Variants in SYNPR observed in about 807,000 individuals in gnomAD.
SYNPR encodes synaptoporin.
Under a neutral mutation model 32.9 loss-of-function variants are expected in SYNPR, and 23 were observed. The observed-to-expected ratio is 0.70, with a 90% CI of 0.50 to 0.99. SYNPR has a LOEUF of 0.99. Ranked by LOEUF, SYNPR falls within the 50% of genes least tolerant of loss-of-function variation. The pLI is 0.00. For synonymous variants in SYNPR, 146 were observed against 135.9 expected (o/e 1.07, Z -0.52); for missense variants, 318 against 349.3 (o/e 0.91, Z 0.71).
chr3:63,578,829 G>C (rs1167407801), intron 4 of SYNPR, among the ~76,000 whole-genome samples: 3 of 152,124 alleles, frequency 2.0e-5, no homozygotes, highest in Non-Finnish European at 4.4e-5. Context: ...CAGCAAGGCA[G>C]ATACACCCAG....
At chr3:63,607,824 G>A (rs865928040) in intron 4 of SYNPR, among the ~76,000 whole-genome samples, 4 of 152,256 alleles carry the variant, frequency 2.6e-5, no homozygotes, top group African/African-American at 9.6e-5. Context: ...TCTATAGAGT[G>A]TAAAAGTTCC....
At chr3:63,296,757 C>A (rs1188238780) in intron 2 of SYNPR, among the ~76,000 whole-genome samples, 1 of 152,092 alleles carries the variant, frequency 6.6e-6, no homozygotes, top group East Asian at 1.9e-4. Flanking sequence ...ATAATTAATT[C>A]TACTCTTTAA....
At chr3:63,387,706 A>C (rs2088070954) in intron 2 of SYNPR, among the ~76,000 whole-genome samples, 1 of 152,196 alleles carries the variant, frequency 6.6e-6, no homozygotes, top group Non-Finnish European at 1.5e-5. Flanking sequence ...TTCTAGGCCA[A>C]AAGAATAAGT....
At chr3:63,279,423 C>T (rs370993604) in intron 2 of SYNPR, among the ~76,000 whole-genome samples, 2 of 152,278 alleles carry the variant, frequency 1.3e-5, no homozygotes, top group African/African-American at 4.8e-5. Context: ...CTTTCTTCAG[C>T]GACTGGGCTT....
chr3:63,268,626 G>A (rs1488753606), intron 3 of SYNPR, among the ~76,000 whole-genome samples: 1 of 152,138 alleles, frequency 6.6e-6, no homozygotes, highest in Admixed American at 6.5e-5. Context: ...TCATCATAAA[G>A]GTTTTCATCC....
rs566978566 is a variant in SYNPR, at chr3:63,371,390, G to A, written c.84+92648G>A. Among the ~76,000 whole-genome samples the A allele has an allele frequency of 2.6e-5, 4 of 152,306 alleles. No individual in the cohort carries two copies. The East Asian group carries it at 7.8e-4, about 30-fold the overall frequency. ...GCAGTGGGGGAGGTCAGGCTCCCTT[G>A]CACGTCTCCGGGAAAGAGGCAAATT... is the stretch of plus-strand genomic sequence containing the variant. On this transcript the variant is annotated intron_variant, in intron 2 of 5. Transcript: ENST00000478300.
At position 63,257,949 on chromosome 3, in the gene SYNPR, C is replaced by A. The variant is rs192304682; in HGVS notation, n.154+5363C>A. ...CTCTGATAAAAAACATACTTTAAACCAACAAAGATCAAAAGAGACGAAGAA... is the reference window on the plus strand; with the variant it reads ...CTCTGATAAAAAACATACTTTAAACAAACAAAGATCAAAAGAGACGAAGAA... On this transcript the variant is annotated intron_variant and non_coding_transcript_variant, in intron 2 of 4. Coordinates refer to the SYNPR transcript ENST00000478456. 1.3e-3 allele frequency among the ~76,000 whole-genome samples: 192 copies of A among 152,168 alleles called. 2 individuals carry two copies. Among genetic ancestry groups the A allele is most frequent in the African/African-American group, 4.3e-3 (177 of 41,504 alleles).
intron 2 of SYNPR, among the ~76,000 whole-genome samples, chr3:63,378,237 T>C (rs1271375295): frequency 6.6e-6 from 1 of 152,006 alleles, no homozygotes; most frequent in Non-Finnish European, 1.5e-5. Flanking sequence ...GAAAGGTATT[T>C]CCTTCACATT....
chr3:63,257,364 GA>G (rs1323786806), intron 2 of SYNPR, among the ~76,000 whole-genome samples: 1 of 152,208 alleles, frequency 6.6e-6, no homozygotes, highest in African/African-American at 2.4e-5. Context: ...ACTAACAGCA[GA>G]TATCTCAGCA....
the SYNPR span, among the ~76,000 whole-genome samples, chr3:63,201,687 A>G: frequency 3.3e-5 from 5 of 151,542 alleles, no homozygotes; most frequent in Admixed American, 3.3e-4. Flanking sequence ...AAAAAATCTT[A>G]CTGTTTAAAA....
At chr3:63,287,064 C>A (rs1478829427) in intron 2 of SYNPR, among the ~76,000 whole-genome samples, 1 of 152,160 alleles carries the variant, frequency 6.6e-6, no homozygotes, top group African/African-American at 2.4e-5. Context: ...GCCTTCCATG[C>A]CAGTCTCTTT....
chr3:63,256,279 T>G (rs558445083), intron 2 of SYNPR, among the ~76,000 whole-genome samples: 4 of 152,224 alleles, frequency 2.6e-5, no homozygotes, highest in Admixed American at 2.6e-4. Flanking sequence ...TCCTCAAGTG[T>G]GTCCATGACC....
At chr3:63,235,529 T>C (rs1442083539) in intron 1 of SYNPR, among the ~76,000 whole-genome samples, 1 of 152,186 alleles carries the variant, frequency 6.6e-6, no homozygotes, top group African/African-American at 2.4e-5. Context: ...CACTCTTGAA[T>C]AGCATGGTTG....
chr3:63,474,833 G>T (rs1236044170), intron 2 of SYNPR, among the ~76,000 whole-genome samples: 2 of 152,124 alleles, frequency 1.3e-5, no homozygotes, highest in African/African-American at 2.4e-5. Flanking sequence ...CATGAAGGTT[G>T]TGTACCAGGC....
At chr3:63,431,681 A>C (rs1183208621) in intron 2 of SYNPR, among the ~76,000 whole-genome samples, 1 of 152,148 alleles carries the variant, frequency 6.6e-6, no homozygotes, top group Non-Finnish European at 1.5e-5. Flanking sequence ...CAAAGGAAAG[A>C]AAAAGAAAGT....
At chr3:63,424,585 G>T (rs1345104717) in intron 2 of SYNPR, among the ~76,000 whole-genome samples, 1 of 152,022 alleles carries the variant, frequency 6.6e-6, no homozygotes, top group East Asian at 1.9e-4. Context: ...TATATCAAAT[G>T]TGTTTGTTTT....
rs6147854 is a variant in SYNPR at position 63,479,446 on chromosome 3, G to GCGCGCGCACACA, written c.85-1385_85-1384insGCGCGCACACAC. ...AGTCACTTAAAACTGCCACACACAT[G>GCGCGCGCACACA]CACACACACATACACACACACACAC... is the stretch of plus-strand genomic sequence containing the variant. On this transcript the variant is annotated intron_variant, in intron 2 of 5. Coordinates refer to ENST00000478300, the MANE Select transcript of SYNPR (RefSeq NM_001130003.2). Among the ~76,000 whole-genome samples the GCGCGCGCACACA allele has an allele frequency of 1.7e-3, 237 of 135,852 alleles. 1 individual carries two copies. Among genetic ancestry groups the GCGCGCGCACACA allele is most frequent in the Non-Finnish European group, 2.7e-3 (173 of 63,394 alleles). The allele number at this position is 135,852 out of a possible 152,430, so 89.1% of individuals were successfully genotyped here.
intron 2 of SYNPR, among the ~76,000 whole-genome samples, chr3:63,311,909 G>A (rs1373848045): frequency 6.6e-6 from 1 of 151,892 alleles, no homozygotes; most frequent in African/African-American, 2.4e-5. Context: ...GGAGACCTAA[G>A]ACATACCCAT....
chr3:63,600,080 C>G (rs114819259), intron 4 of SYNPR, among the ~76,000 whole-genome samples: 2,908 of 152,254 alleles, frequency 0.019, 52 homozygotes, highest in South Asian at 0.078. Context: ...CTGTGGTAGA[C>G]AAGCCAGCCA....
Sources: gnomAD v4.1 joint callset for allele counts (sites outside exome capture counted in the v4.1 genomes callset) on GRCh38, gnomAD v4.1.1 for gene constraint, MANE v1.5 for transcripts, NCBI Gene and HGNC (gene_info 2026-07-23, HGNC 2026-07-21) for gene names.